Variants in RASAL2 observed in about 807,000 individuals in gnomAD.
RASAL2 encodes the protein RAS protein activator like 2.
Under a neutral mutation model 128.9 loss-of-function variants are expected in RASAL2, and 58 were observed. The ratio of observed to expected loss-of-function variants is 0.45; its 90% confidence interval spans 0.36 to 0.56. The LOEUF (loss-of-function observed/expected upper bound fraction) is 0.56, where lower values mean the gene tolerates loss of function less well. Ranked by LOEUF, RASAL2 falls within the 20% of genes least tolerant of loss-of-function variation. RASAL2 has a pLI of 0.00. For missense variants in RASAL2, 1,360 were observed against 1,601.6 expected (o/e 0.85, Z 2.57); for synonymous variants, 561 against 580.8 (o/e 0.97, Z 0.49).
intron 1 of RASAL2, among the ~76,000 whole-genome samples, chr1:178,100,527 TAA>T (rs878987686): frequency 2.2e-4 from 23 of 105,296 alleles, no homozygotes; most frequent in Admixed American, 3.8e-4. Flanking sequence ...CAGTCTCAAA[TAA>T]AAAAAAAAAA....
chr1:178,351,051 G>T (rs986540265), intron 3 of RASAL2, among the ~76,000 whole-genome samples: 1 of 152,030 alleles, frequency 6.6e-6, no homozygotes, highest in Admixed American at 6.6e-5. Flanking sequence ...GGACTTGGGT[G>T]GGGGAGATGC....
intron 3 of RASAL2, among the ~76,000 whole-genome samples, chr1:178,338,176 C>G (rs1310232048): frequency 6.6e-6 from 1 of 151,992 alleles, no homozygotes; most frequent in Non-Finnish European, 1.5e-5. Flanking sequence ...GTTACCCAGG[C>G]TGGAGTGCAG....
At chr1:178,341,347 A>G (rs904519480) in intron 3 of RASAL2, 2 of 1,093,504 alleles carry the variant, frequency 1.8e-6, no homozygotes, top group Admixed American at 3.7e-5. Context: ...TGAGTGAGTA[A>G]GGAAGGGTGG....
At chr1:178,246,611 G>A (rs1023874584) in intron 1 of RASAL2, among the ~76,000 whole-genome samples, 5 of 151,996 alleles carry the variant, frequency 3.3e-5, no homozygotes, top group Non-Finnish European at 7.4e-5. Context: ...ATGTTGAATC[G>A]GCGTGGTGAG....
intron 3 of RASAL2, among the ~76,000 whole-genome samples, chr1:178,324,717 T>C (rs893582174): frequency 6.6e-6 from 1 of 152,192 alleles, no homozygotes; most frequent in Non-Finnish European, 1.5e-5. Flanking sequence ...TATCGTTTAA[T>C]TGTACATGTG....
chr1:178,310,336 A>G (rs915798737), intron 3 of RASAL2, among the ~76,000 whole-genome samples: 7 of 152,218 alleles, frequency 4.6e-5, no homozygotes, highest in South Asian at 2.1e-4. Flanking sequence ...CCAATCTGAT[A>G]TAGTTAGATT....
chr1:178,261,846 G>A (rs1235763591), intron 1 of RASAL2, among the ~76,000 whole-genome samples: 1 of 151,784 alleles, frequency 6.6e-6, no homozygotes, highest in Non-Finnish European at 1.5e-5. Context: ...AACCTGGGAG[G>A]TGGAGGTTGC....
intron 3 of RASAL2, among the ~76,000 whole-genome samples, chr1:178,374,808 C>A (rs1001488958): frequency 1.6e-4 from 24 of 152,108 alleles, no homozygotes; most frequent in Non-Finnish European, 3.5e-4. Context: ...CAGCAGTGTT[C>A]AAACTCAGCT....
At chr1:178,275,272 T>C (rs1342629691) in intron 1 of RASAL2, among the ~76,000 whole-genome samples, 1 of 152,244 alleles carries the variant, frequency 6.6e-6, no homozygotes, top group Non-Finnish European at 1.5e-5. Flanking sequence ...ACCCTACAGC[T>C]TTGATCTTCT....
chr1:178,405,897 A>G (rs1673972083), intron 4 of RASAL2, among the ~76,000 whole-genome samples: 1 of 152,224 alleles, frequency 6.6e-6, no homozygotes, highest in Non-Finnish European at 1.5e-5. Flanking sequence ...GTTATATAAG[A>G]TAATAACATT....
intron 1 of RASAL2, among the ~76,000 whole-genome samples, chr1:178,269,472 G>T (rs949304309): frequency 1.3e-5 from 2 of 152,212 alleles, no homozygotes; most frequent in Admixed American, 1.3e-4. Flanking sequence ...TGCATTCCCA[G>T]ATGGTTAAGG....
chr1:178,185,111 GTT>G (rs1197156459), intron 1 of RASAL2, among the ~76,000 whole-genome samples: 5 of 141,350 alleles, frequency 3.5e-5, no homozygotes, highest in African/African-American at 5.2e-5. Flanking sequence ...TTTAGTTTTT[GTT>G]TTTTTTTTTT....
At chr1:178,108,243 A>G (rs1217206560) in intron 1 of RASAL2, among the ~76,000 whole-genome samples, 2 of 152,158 alleles carry the variant, frequency 1.3e-5, no homozygotes, top group Non-Finnish European at 2.9e-5. Flanking sequence ...CCATTTGTAT[A>G]TCTTCTTTGG....
chr1:178,108,220 T>C (rs1279078851), intron 1 of RASAL2, among the ~76,000 whole-genome samples: 2 of 152,228 alleles, frequency 1.3e-5, no homozygotes, highest in Admixed American at 6.5e-5. Flanking sequence ...AGCATATTTT[T>C]ATTGCTTATT....
At chr1:178,383,687 T>C (rs1672401193) in intron 3 of RASAL2, among the ~76,000 whole-genome samples, 1 of 152,214 alleles carries the variant, frequency 6.6e-6, no homozygotes, top group Non-Finnish European at 1.5e-5. Flanking sequence ...CTATTCTGTT[T>C]CTTAAATGTC....
chr1:178,419,421 G>A (rs1572040686), intron 4 of RASAL2, among the ~76,000 whole-genome samples: 1 of 152,006 alleles, frequency 6.6e-6, no homozygotes, highest in East Asian at 1.9e-4. Context: ...CTACAGGCAT[G>A]TGCTACCATG....
rs752787551 is a variant in RASAL2, at chr1:178,458,234, A to G, written c.2942A>G (p.Gln981Arg). ...SMEDFTKRSTQSEDFSRRHTV... is the reference protein window; with the variant it reads ...SMEDFTKRSTRSEDFSRRHTV... ...GAAGATTTCACTAAACGTAGCACTC[A>G]GAGTGAGGACTTCTCCAGGCGGCAC... Residue 981 changes from glutamine to arginine, a missense_variant, in exon 14 of 18, where the codon CAG (glutamine) becomes CGG (arginine). Physicochemically the swap from Gln to Arg is conservative, Grantham distance 43. This residue lies in a region of RASAL2 where 741 missense variants were observed against 868.6 expected (regional missense o/e 0.85). Transcript: ENST00000367649. 8.1e-6 allele frequency: 13 copies of G among 1,614,256 alleles called. No individual in the cohort carries two copies. In the East Asian group the frequency reaches 2.7e-4, roughly 33 times the overall value.
At chr1:178,159,853 C>G (rs1222493725) in intron 1 of RASAL2, among the ~76,000 whole-genome samples, 1 of 151,944 alleles carries the variant, frequency 6.6e-6, no homozygotes. Context: ...TGCAGTGAGT[C>G]GAGATCGCGA....
intron 14 of RASAL2, among the ~76,000 whole-genome samples, chr1:178,460,636 A>G (rs2102922548): frequency 6.6e-6 from 1 of 152,318 alleles, no homozygotes; most frequent in Non-Finnish European, 1.5e-5. Context: ...GGGTACAGGC[A>G]CAGTGAGATG....
Sources: allele counts gnomAD v4.1 joint callset (sites outside exome capture counted in the v4.1 genomes callset), GRCh38; gene constraint gnomAD v4.1.1; regional missense constraint gnomAD v4.1.1; transcripts MANE v1.5; gene names NCBI Gene and HGNC (gene_info 2026-07-23, HGNC 2026-07-21).